Variants in CAMKMT observed in about 807,000 individuals in gnomAD.
CAMKMT encodes the protein calmodulin-lysine N-methyltransferase.
CAMKMT carries 53 observed loss-of-function variants against 48.0 expected under a neutral mutation model. That is an observed-to-expected ratio of 1.10 (90% confidence interval 0.89 to 1.39). CAMKMT has a LOEUF of 1.39. CAMKMT is among the 40% of genes most tolerant of loss of function. The pLI, the probability that CAMKMT is intolerant of heterozygous loss-of-function variation, is 0.00. For missense variants in CAMKMT, 428 were observed against 402.7 expected (o/e 1.06, Z -0.54); for synonymous variants, 165 against 152.3 (o/e 1.08, Z -0.61).
intron 3 of CAMKMT, among the ~76,000 whole-genome samples, chr2:44,443,831 A>T (rs1223978142): frequency 6.6e-6 from 1 of 152,218 alleles, no homozygotes; most frequent in Admixed American, 6.5e-5. Flanking sequence ...CTCACCTCAT[A>T]TGTATGGCAA....
At chr2:44,481,570 C>A (rs1145519) in intron 3 of CAMKMT, among the ~76,000 whole-genome samples, 114,095 of 151,876 alleles carry the variant, frequency 0.75, 43,566 homozygotes, top group African/African-American at 0.83. Context: ...TCTTATGTAA[C>A]TTATGAACAT....
intron 3 of CAMKMT, among the ~76,000 whole-genome samples, chr2:44,489,066 C>T (rs1216822775): frequency 6.6e-6 from 1 of 151,850 alleles, no homozygotes. Context: ...GGAGTCTAGC[C>T]ATGTTGTCCA....
intron 3 of CAMKMT, among the ~76,000 whole-genome samples, chr2:44,629,540 G>A (rs751170503): frequency 1.3e-5 from 2 of 148,896 alleles, no homozygotes; most frequent in Non-Finnish European, 3.0e-5. Context: ...AATGGCTCAA[G>A]CAATCCTCCC....
At chr2:44,515,426 T>C (rs1670787079) in intron 3 of CAMKMT, among the ~76,000 whole-genome samples, 1 of 152,206 alleles carries the variant, frequency 6.6e-6, no homozygotes, top group African/African-American at 2.4e-5. Context: ...ATCTATAATC[T>C]CTGTGGAATA....
chr2:44,625,756 G>T (rs1028420733), intron 3 of CAMKMT, among the ~76,000 whole-genome samples: 2 of 151,860 alleles, frequency 1.3e-5, no homozygotes, highest in South Asian at 2.1e-4. Flanking sequence ...AGCATTACTT[G>T]GTGAAAAGAT....
At chr2:44,673,504 AGG>A (rs1675472402) in intron 3 of CAMKMT, among the ~76,000 whole-genome samples, 14 of 143,960 alleles carry the variant, frequency 9.7e-5, no homozygotes, top group Non-Finnish European at 2.1e-4. Flanking sequence ...GAAGGAAGGA[AGG>A]AAGGAAGGAA....
At chr2:44,373,836 A>T (rs1382403276) in intron 2 of CAMKMT, among the ~76,000 whole-genome samples, 1 of 152,180 alleles carries the variant, frequency 6.6e-6, no homozygotes, top group Non-Finnish European at 1.5e-5. Flanking sequence ...TTTTACTGAA[A>T]ATGCCGGCTG....
At chr2:44,582,821 C>G (rs535693022) in intron 3 of CAMKMT, among the ~76,000 whole-genome samples, 1 of 152,258 alleles carries the variant, frequency 6.6e-6, no homozygotes, top group South Asian at 2.1e-4. Context: ...TTTGAGTACT[C>G]CCTTAACATT....
intron 3 of CAMKMT, among the ~76,000 whole-genome samples, chr2:44,404,484 A>G (rs1303534687): frequency 6.6e-6 from 1 of 152,042 alleles, no homozygotes; most frequent in Non-Finnish European, 1.5e-5. Context: ...CTAAGTTGCT[A>G]TTCATCTAGT....
chr2:44,546,464 A>C (rs1667416565), intron 3 of CAMKMT, among the ~76,000 whole-genome samples: 1 of 152,210 alleles, frequency 6.6e-6, no homozygotes, highest in Admixed American at 6.5e-5. Context: ...GATAAATCTC[A>C]TCCCTAAAGA....
At chr2:44,586,352 T>G (rs1354056995) in intron 3 of CAMKMT, among the ~76,000 whole-genome samples, 4 of 147,680 alleles carry the variant, frequency 2.7e-5, no homozygotes, top group South Asian at 4.4e-4. Context: ...AAGGATTCCC[T>G]ATTTAATGAA....
chr2:44,445,658 T>G (rs568720504), intron 3 of CAMKMT, among the ~76,000 whole-genome samples: 26 of 9,278 alleles, frequency 2.8e-3, no homozygotes, highest in African/African-American at 9.4e-3. Context: ...TTTTTTTTTT[T>G]TTTTTTTTTT....
At chr2:44,646,309 G>T (rs201742835) in intron 3 of CAMKMT, among the ~76,000 whole-genome samples, 1 of 139,156 alleles carries the variant, frequency 7.2e-6, no homozygotes, top group East Asian at 2.0e-4. Context: ...AATCTTGTTT[G>T]TTTTTGTTTT....
At chr2:44,421,653 A>G (rs1451467293) in intron 3 of CAMKMT, among the ~76,000 whole-genome samples, 1 of 152,190 alleles carries the variant, frequency 6.6e-6, no homozygotes, top group East Asian at 1.9e-4. Context: ...AGAATTCTTA[A>G]TTGTTCCAGG....
intron 3 of CAMKMT, among the ~76,000 whole-genome samples, chr2:44,599,518 T>A (rs1670861064): frequency 6.6e-6 from 1 of 152,150 alleles, no homozygotes; most frequent in Non-Finnish European, 1.5e-5. Flanking sequence ...GTTATTATTT[T>A]GTTTGATAGG....
At chr2:44,736,130 T>C (rs148289786) in intron 7 of CAMKMT, among the ~76,000 whole-genome samples, 3 of 152,354 alleles carry the variant, frequency 2.0e-5, no homozygotes, top group Non-Finnish European at 4.4e-5. Context: ...GATTCCTTCA[T>C]GTACATTTCC....
intron 9 of CAMKMT, among the ~76,000 whole-genome samples, chr2:44,756,271 G>C (rs868202396): frequency 1.3e-5 from 2 of 152,204 alleles, no homozygotes; most frequent in Non-Finnish European, 2.9e-5. Context: ...TTTCTTCTTA[G>C]CTCTCAGGGC....
intron 3 of CAMKMT, among the ~76,000 whole-genome samples, chr2:44,495,262 TC>T (rs757902125): frequency 6.6e-6 from 1 of 152,126 alleles, no homozygotes; most frequent in Non-Finnish European, 1.5e-5. Flanking sequence ...TGCCTACGCC[TC>T]CTGAGTAGCC....
chr2:44,564,765 T>TCTGACCTCAGGTGATC (rs1370008652), intron 3 of CAMKMT, among the ~76,000 whole-genome samples: 2 of 151,942 alleles, frequency 1.3e-5, no homozygotes, highest in Non-Finnish European at 2.9e-5. Context: ...GTCTTGAACT[T>TCTGACCTCAGGTGATC]CTGACCTCAG....
Sources: gnomAD v4.1 joint callset for allele counts (sites outside exome capture counted in the v4.1 genomes callset) on GRCh38, gnomAD v4.1.1 for gene constraint, MANE v1.5 for transcripts, NCBI Gene and HGNC (gene_info 2026-07-23, HGNC 2026-07-21) for gene names.